The following PHLDB1 variants were observed in gnomAD, a reference collection of about 807,000 sequenced individuals.
PHLDB1 encodes the protein pleckstrin homology-like domain family B member 1.
A neutral mutation model predicts 139.3 loss-of-function variants in PHLDB1; 65 were observed. That is an observed-to-expected ratio of 0.47 (90% confidence interval 0.38 to 0.57). The LOEUF is 0.57. Among genes scored for constraint, PHLDB1 ranks in the 20% least tolerant of loss-of-function variants. PHLDB1 has a pLI of 0.00. For synonymous variants in PHLDB1, 679 were observed against 734.5 expected, an observed-to-expected ratio of 0.92 and a Z score of 1.22; for missense variants, 1,624 against 1,839.7, an observed-to-expected ratio of 0.88 and a Z score of 2.14.
chr11:118,644,690 A>G (rs782293363), intron 15 of PHLDB1: 1 of 1,289,496 alleles, frequency 7.8e-7, no homozygotes, highest in Non-Finnish European at 1.0e-6. Context: ...ACGACCCAGC[A>G]GGTAGAACGT....
rs916499958 is a variant in PHLDB1 at position 118,608,602 on chromosome 11, G to T, written c.-22+903G>T. ...CTGGGCCGTTAGCTCAGCGGTCCTGGAGCCTCCCGAGGCTGACTCATCGGG... is the reference window on the plus strand; with the variant it reads ...CTGGGCCGTTAGCTCAGCGGTCCTGTAGCCTCCCGAGGCTGACTCATCGGG... On this transcript the variant is annotated intron_variant, in intron 1 of 22. Transcript: ENST00000600882. The surrounding 1 kb of genome is among the most constrained non-coding windows in gnomAD (Gnocchi z 6.7). Among the ~76,000 whole-genome samples the T allele has an allele frequency of 6.6e-6, 1 of 152,102 alleles. No homozygotes were observed. Among genetic ancestry groups the T allele is most frequent in the African/African-American group, 2.4e-5 (1 of 41,424 alleles).
At chr11:118,642,225 C>T (rs782680093) in intron 12 of PHLDB1, 29 bp from the exon 13 acceptor site, 2 of 1,606,560 alleles carry the variant, frequency 1.2e-6, no homozygotes, top group Non-Finnish European at 1.7e-6. Flanking sequence ...CCTCCTGTCC[C>T]CTTTTCCCCT....
rs1947319581 is a variant in PHLDB1, at chr11:118,645,403, C to G, written c.3169C>G (p.Gln1057Glu). The G allele has an allele frequency of 6.6e-7, 1 of 1,526,112 alleles. No homozygotes were observed. Among genetic ancestry groups the G allele is most frequent in the African/African-American group, 1.4e-5 (1 of 72,108 alleles). 94.5% of individuals were successfully genotyped at this position (1,526,112 alleles called of 1,614,324 possible). A position where few individuals can be genotyped will look rare whatever the true frequency, so the allele number is the denominator to read the frequency against. The change falls in exon 16 of 23, where the codon CAG (glutamine) becomes GAG (glutamate). Residue 1057 changes from glutamine (Q) to glutamate (E), a missense_variant. By Grantham distance (29) the Gln-to-Glu change is conservative (BLOSUM62 2). Coordinates refer to ENST00000600882, the MANE Select transcript of PHLDB1 (RefSeq NM_001144758.3). The surrounding 1 kb of genome is among the most constrained non-coding windows in gnomAD (Gnocchi z 5.1). ...GCGGCGGCGACTGGCTGAGCTGAAG[C>G]AGAAAGCGGCAGCTGAGGCACAGTG... ...EQRRRLAELKQKAAAEAQCQW... is the reference protein window; with the variant it reads ...EQRRRLAELKEKAAAEAQCQW...
chr11:118,645,708 C>T lies in PHLDB1; in HGVS notation c.3417-27C>T. On this transcript the variant is annotated intron_variant, in intron 16 of 22. Coordinates refer to ENST00000600882, the MANE Select transcript of PHLDB1 (RefSeq NM_001144758.3). This position sits in a 1 kb window ranked among gnomAD's most constrained non-coding sequence, Gnocchi z 5.1. ...CAGCCACCGCCTCAGCTCCTTGATG[C>T]ACTTCCTCTTCCCCTTCTCTCCCCA... 1.2e-6 allele frequency: 2 copies of T among 1,610,482 alleles called. No individual in the cohort carries two copies. The highest frequency in any genetic ancestry group is 1.7e-6 in the Non-Finnish European group (2 of 1,176,680).
chr11:118,628,690 G>A, intron 6 of PHLDB1, 40 bp downstream of exon 6: 1 of 1,567,244 alleles, frequency 6.4e-7, no homozygotes, highest in Non-Finnish European at 8.6e-7. Context: ...GTCCATGGCA[G>A]AGTCTCTGCC....
rs1555099904 is a variant in PHLDB1 at position 118,625,045 on chromosome 11, A to G, written c.467A>G (p.Tyr156Cys). The change falls in exon 5 of 23, where the codon TAC becomes TGC. Residue 156 changes from tyrosine (Y) to cysteine (C), a missense_variant. By Grantham distance (194) the Tyr-to-Cys change is radical (BLOSUM62 -2). Coordinates refer to ENST00000600882, the MANE Select transcript of PHLDB1 (RefSeq NM_001144758.3). ...PAGGRAPGPPYSPVPAESESL... is the reference protein window; with the variant it reads ...PAGGRAPGPPCSPVPAESESL... ...GGGGGCCGAGCCCCTGGGCCCCCCT[A>G]CAGCCCTGTTCCTGGTAGGTACCGA... is the stretch of plus-strand genomic sequence containing the variant. The G allele has an allele frequency of 1.9e-6, 3 of 1,610,306 alleles. No homozygotes were observed. The highest frequency in any genetic ancestry group is 2.5e-6 in the Non-Finnish European group (3 of 1,178,040).
Position 118,629,182 on chromosome 11 carries a change from G to A in PHLDB1, c.1827+532G>A, listed in dbSNP as rs142885099. Among the ~76,000 whole-genome samples the A allele has an allele frequency of 6.6e-3, 1,010 of 152,366 alleles. 19 individuals are homozygous for A. The highest frequency in any genetic ancestry group is 0.022 in the African/African-American group (933 of 41,586). On this transcript the variant is annotated intron_variant, in intron 6 of 22. Transcript: ENST00000600882. ...TTTTGCTTGTCTTTGGCCTCTACAA[G>A]TGGGTGGGAGCTGCTCATCCTGGCC...
chr11:118,657,910 A>C lies in PHLDB1; in HGVS notation c.*1087A>C. 4.8e-6 allele frequency: 1 copy of C among 207,110 alleles called. No homozygotes were observed. Among genetic ancestry groups the C allele is most frequent in the East Asian group, 1.2e-4 (1 of 8,694 alleles). The allele number at this position is 207,110 out of a possible 1,614,324, so 12.8% of individuals were successfully genotyped here. ...GCCTCGCCCTTCACGCCTTAACACT[A>C]AGCCCACCTCCCCTGCTCTCCTTCC... On this transcript the variant is annotated 3_prime_UTR_variant, in exon 23 of 23. Coordinates refer to ENST00000600882, the MANE Select transcript of PHLDB1 (RefSeq NM_001144758.3).
At position 118,650,281 on chromosome 11, in the gene PHLDB1, C is replaced by A; in HGVS notation, c.3771+88C>A. 9.3e-7 allele frequency: 1 copy of A among 1,080,852 alleles called. No individual in the cohort carries two copies. The highest frequency in any genetic ancestry group is 1.4e-6 in the Non-Finnish European group (1 of 696,082). 67.0% of individuals were successfully genotyped at this position (1,080,852 alleles called of 1,614,324 possible). A position where few individuals can be genotyped will look rare whatever the true frequency, so the allele number is the denominator to read the frequency against. On this transcript the variant is annotated intron_variant, in intron 19 of 22. Transcript: ENST00000600882. This position sits in a 1 kb window ranked among gnomAD's most constrained non-coding sequence, Gnocchi z 4.7. ...TCCTGGGTCGTTGGAATAGTGGCGT[C>A]AGTCTCTACCCTCACCTAACCAGAT... is the stretch of plus-strand genomic sequence containing the variant.
chr11:118,648,158 T>C (rs1169639032), intron 18 of PHLDB1, 82 bp downstream of exon 18: 16 of 1,384,588 alleles, frequency 1.2e-5, no homozygotes, highest in Non-Finnish European at 1.6e-5. Context: ...GGTTTCTGTG[T>C]TGGGCTGTAA....
At chr11:118,623,874 TTG>T (rs3222268) in intron 4 of PHLDB1, among the ~76,000 whole-genome samples, 17,269 of 140,974 alleles carry the variant, frequency 0.12, 1,329 homozygotes, top group African/African-American at 0.22. Flanking sequence ...CTCTGAACAT[TTG>T]TGTGTGTGTG....
At chr11:118,630,828 G>A (rs1555109251) in intron 6 of PHLDB1, among the ~76,000 whole-genome samples, 1 of 151,958 alleles carries the variant, frequency 6.6e-6, no homozygotes, top group Non-Finnish European at 1.5e-5. Context: ...TCTGTAGTCT[G>A]CTTAACAGTG....
intron 6 of PHLDB1, chr11:118,629,985 G>A: frequency 2.3e-6 from 3 of 1,284,586 alleles, no homozygotes; most frequent in East Asian, 1.1e-4. Context: ...GGGCAGGGGT[G>A]GAGGCACTGG....
At chr11:118,642,122 A>T in intron 12 of PHLDB1, 132 bp from the exon 13 acceptor site, 5 of 819,688 alleles carry the variant, frequency 6.1e-6, no homozygotes, top group Non-Finnish European at 1.0e-5. Context: ...TTCCTTTTTA[A>T]CCTTCCCCTT....
intron 9 of PHLDB1, chr11:118,633,831 A>G (rs933862764): frequency 2.0e-5 from 3 of 152,270 alleles, no homozygotes; most frequent in African/African-American, 7.2e-5. Context: ...TGGGTTCAGC[A>G]TAGGGCCTCA....
At position 118,645,471 on chromosome 11, in the gene PHLDB1, C is replaced by A. The variant is rs781848711; in HGVS notation, c.3237C>A (p.Gly1079=). The change falls in exon 16 of 23, where the codon GGC becomes GGA. Residue 1079 remains glycine (G), a synonymous_variant. Coordinates refer to ENST00000600882, the MANE Select transcript of PHLDB1 (RefSeq NM_001144758.3). The surrounding 1 kb of genome is among the most constrained non-coding windows in gnomAD (Gnocchi z 5.1). ...ACGGGGCAGCACCCTTCCCAGCGGG[C>A]CCCTCGGGCTTCCCCCCTCTCATGC... ...ALHGAAPFPA[G]PSGFPPLMHH... The A allele has an allele frequency of 6.2e-7, 1 of 1,610,558 alleles. No homozygotes were observed. Among genetic ancestry groups the A allele is most frequent in the Non-Finnish European group, 8.5e-7 (1 of 1,178,256 alleles).
upstream of PHLDB1, among the ~76,000 whole-genome samples, chr11:118,607,388 T>C (rs1340215339): frequency 1.4e-5 from 1 of 72,114 alleles, no homozygotes; most frequent in Non-Finnish European, 2.6e-5. Context: ...GTGGTGGTGA[T>C]GGTGGAGAGC....
chr11:118,642,109 G>A, intron 12 of PHLDB1, 145 bp from the exon 13 acceptor site: 1 of 767,584 alleles, frequency 1.3e-6, no homozygotes, highest in Admixed American at 2.0e-5. Flanking sequence ...CCCTGATGTG[G>A]CCTTCCTTTT....
At chr11:118,639,111 A>G (rs782247945) in intron 11 of PHLDB1, 51 bp from the exon 12 acceptor site, 1 of 1,582,390 alleles carries the variant, frequency 6.3e-7, no homozygotes, top group South Asian at 1.1e-5. Context: ...CCCCCCTCAC[A>G]CAGTCTCCTG....
Sources: gnomAD v4.1 joint callset for allele counts (sites outside exome capture counted in the v4.1 genomes callset) on GRCh38, gnomAD v4.1.1 for gene constraint, Gnocchi (gnomAD v3.1) non-coding constraint, MANE v1.5 for transcripts, NCBI Gene and HGNC (gene_info 2026-07-23, HGNC 2026-07-21) for gene names.